Variants in WDPCP observed in about 807,000 individuals in gnomAD.
WDPCP encodes the protein WD repeat-containing and planar cell polarity effector protein fritz homolog.
A neutral mutation model predicts 93.1 loss-of-function variants in WDPCP; 71 were observed. The observed-to-expected ratio is 0.76, with a 90% CI of 0.63 to 0.93. The LOEUF is 0.93. Ranked by LOEUF, WDPCP falls within the 40% of genes least tolerant of loss-of-function variation. The pLI, the probability that WDPCP is intolerant of heterozygous loss-of-function variation, is 0.00. For missense variants in WDPCP, 844 were observed against 887.4 expected (o/e 0.95, Z 0.62); for synonymous variants, 315 against 315.0 (o/e 1.00, Z 0.00).
At chr2:63,555,539 G>A (rs962731653) in intron 1 of WDPCP, among the ~76,000 whole-genome samples, 1 of 151,976 alleles carries the variant, frequency 6.6e-6, no homozygotes, top group African/African-American at 2.4e-5. Context: ...CTCCTGACTA[G>A]GTGAGACCCC....
intron 1 of WDPCP, among the ~76,000 whole-genome samples, chr2:63,531,265 G>C (rs1302494499): frequency 6.6e-6 from 1 of 152,210 alleles, no homozygotes; most frequent in African/African-American, 2.4e-5. Flanking sequence ...CTGGGGGCAG[G>C]GGATAGCTGA....
chr2:63,125,078 T>C (rs1224715808), intron 17 of WDPCP, among the ~76,000 whole-genome samples: 1 of 152,208 alleles, frequency 6.6e-6, no homozygotes, highest in Admixed American at 6.5e-5. Flanking sequence ...CATTGTGAAA[T>C]TGAACTCTGC....
intron 6 of WDPCP, among the ~76,000 whole-genome samples, chr2:63,452,042 T>C (rs185920550): frequency 6.6e-6 from 1 of 152,330 alleles, no homozygotes; most frequent in South Asian, 2.1e-4. Context: ...AAGACAGAGA[T>C]GCCCTCTCTC....
chr2:63,597,304 C>A, intron 3 of WDPCP: 3 of 1,278,042 alleles, frequency 2.3e-6, no homozygotes, highest in Non-Finnish European at 3.0e-6. Context: ...ACACTTGCAA[C>A]AAGTGAAAGA....
chr2:63,837,659 T>C, the WDPCP span, among the ~76,000 whole-genome samples: 1 of 152,236 alleles, frequency 6.6e-6, no homozygotes, highest in African/African-American at 2.4e-5. Flanking sequence ...TGCTCATGGG[T>C]AGTTAACACA....
At chr2:63,340,919 G>T (rs2104454413) in intron 12 of WDPCP, among the ~76,000 whole-genome samples, 1 of 152,182 alleles carries the variant, frequency 6.6e-6, no homozygotes, top group African/African-American at 2.4e-5. Context: ...ATTTCCCTGT[G>T]AGCATGAATT....
chr2:63,549,643 G>C (rs956086409), intron 1 of WDPCP, among the ~76,000 whole-genome samples: 4 of 152,098 alleles, frequency 2.6e-5, no homozygotes, highest in African/African-American at 9.7e-5. Flanking sequence ...GCAGAAGCCT[G>C]TAATCCCAGC....
At chr2:63,680,727 C>T (rs894345196) in intron 2 of WDPCP, among the ~76,000 whole-genome samples, 11 of 152,094 alleles carry the variant, frequency 7.2e-5, no homozygotes, top group South Asian at 6.2e-4. Flanking sequence ...AAAAAGTGCT[C>T]GTGCCACCTC....
chr2:63,123,342 T>C (rs1427677344), intron 17 of WDPCP, among the ~76,000 whole-genome samples: 1 of 152,152 alleles, frequency 6.6e-6, no homozygotes, highest in African/African-American at 2.4e-5. Context: ...TCTTAATATC[T>C]AGATATACTT....
chr2:63,535,978 A>C (rs1404374728), intron 1 of WDPCP, among the ~76,000 whole-genome samples: 1 of 152,232 alleles, frequency 6.6e-6, no homozygotes. Context: ...CAAAGGGCTA[A>C]TATCTGGAAT....
Position 63,683,684 on chromosome 2 carries a change from A to T in WDPCP, n.309-32846T>A, listed in dbSNP as rs562790289. On this transcript the variant is annotated intron_variant and non_coding_transcript_variant, in intron 2 of 4. Transcript: ENST00000467687. Reference sequence around the variant, plus strand: ...GCCAACATGGTGAAAACCCATCTCTACTAAATATACAAAAATTAGCTGGGC... The same window carrying T: ...GCCAACATGGTGAAAACCCATCTCTTCTAAATATACAAAAATTAGCTGGGC... Among the ~76,000 whole-genome samples, 4 of 152,226 alleles carry T rather than the reference A, an allele frequency of 2.6e-5. No individual in the cohort carries two copies. In the South Asian group the frequency reaches 8.3e-4, roughly 32 times the overall value.
At chr2:63,133,877 T>C (rs1002218213) in intron 17 of WDPCP, among the ~76,000 whole-genome samples, 3 of 152,212 alleles carry the variant, frequency 2.0e-5, no homozygotes, top group Non-Finnish European at 4.4e-5. Flanking sequence ...AAAAATGCCA[T>C]GACATGTCCT....
intron 9 of WDPCP, among the ~76,000 whole-genome samples, chr2:63,422,596 C>T (rs1022351): frequency 0.47 from 71,493 of 151,786 alleles, 17,443 homozygotes; most frequent in African/African-American, 0.58. Flanking sequence ...AAATAAATAA[C>T]ATAATTATAA....
intron 13 of WDPCP, among the ~76,000 whole-genome samples, chr2:63,301,616 C>T (rs1224581880): frequency 2.6e-5 from 4 of 152,120 alleles, no homozygotes; most frequent in Non-Finnish European, 5.9e-5. Flanking sequence ...CATGACTAAT[C>T]CCAATCTCTT....
intron 13 of WDPCP, among the ~76,000 whole-genome samples, chr2:63,268,535 T>C (rs998021958): frequency 5.3e-5 from 8 of 152,212 alleles, no homozygotes; most frequent in African/African-American, 1.9e-4. Flanking sequence ...GGCACAACCA[T>C]GGCTCATTGC....
intron 2 of WDPCP, among the ~76,000 whole-genome samples, chr2:63,764,536 T>C (rs1361125262): frequency 6.6e-6 from 1 of 152,146 alleles, no homozygotes; most frequent in Non-Finnish European, 1.5e-5. Context: ...GATTTTTGAA[T>C]TGTCAAACAC....
At chr2:63,553,079 T>TG (rs1369543508) in intron 1 of WDPCP, among the ~76,000 whole-genome samples, 1 of 152,186 alleles carries the variant, frequency 6.6e-6, no homozygotes, top group Non-Finnish European at 1.5e-5. Flanking sequence ...CACTGACACT[T>TG]GGGGAAAGCA....
At chr2:63,817,536 T>C (rs1206253659) in intron 1 of WDPCP, among the ~76,000 whole-genome samples, 1 of 152,162 alleles carries the variant, frequency 6.6e-6, no homozygotes, top group Admixed American at 6.5e-5. Flanking sequence ...CTATAGTCCA[T>C]GGGTTAAATC....
intron 13 of WDPCP, among the ~76,000 whole-genome samples, chr2:63,274,186 C>T (rs370920258): frequency 6.6e-6 from 1 of 151,818 alleles, no homozygotes. Flanking sequence ...GAAGTCAATA[C>T]CAAGAGGAAC....
Sources: gnomAD v4.1 joint callset for allele counts (sites outside exome capture counted in the v4.1 genomes callset) on GRCh38, gnomAD v4.1.1 for gene constraint, MANE v1.5 for transcripts, NCBI Gene and HGNC (gene_info 2026-07-23, HGNC 2026-07-21) for gene names.